Variants in NUP210L observed in about 807,000 individuals in gnomAD.
The protein encoded by NUP210L is nuclear pore membrane glycoprotein 210-like.
A neutral mutation model predicts 208.5 loss-of-function variants in NUP210L; 74 were observed. The ratio of observed to expected loss-of-function variants is 0.35; its 90% CI spans 0.29 to 0.43. The LOEUF (loss-of-function observed/expected upper bound fraction) is 0.43. Ranked by LOEUF, NUP210L falls within the 20% of genes least tolerant of loss-of-function variation. The probability of loss-of-function intolerance (pLI) is 1.00; values close to 1 mark genes in which losing one functional copy is unlikely to be tolerated. For missense variants in NUP210L, 1,843 were observed against 2,289.4 expected (o/e 0.81, Z 3.98); for synonymous variants, 780 against 816.9 (o/e 0.95, Z 0.77).
Position 154,027,607 on chromosome 1 carries a change from G to A in NUP210L, c.3856-10C>T, listed in dbSNP as rs1651967881. The A allele has an allele frequency of 6.3e-7, 1 of 1,595,316 alleles. No individual in the cohort carries two copies. The highest frequency in any genetic ancestry group is 1.3e-5 in the African/African-American group (1 of 74,550). On this transcript the variant is annotated splice_polypyrimidine_tract_variant and intron_variant, in intron 28 of 39. Coordinates refer to ENST00000368559, the Ensembl canonical transcript of NUP210L. ...GGAGTTTTTCAAACACCTATAATGAGAAAATGTTTTCCTCATTTTTGGCAA... is the reference window on the plus strand; with the variant it reads ...GGAGTTTTTCAAACACCTATAATGAAAAAATGTTTTCCTCATTTTTGGCAA...
chr1:154,030,690 A>AAG (rs749113788), intron 27 of NUP210L, among the ~76,000 whole-genome samples: 115 of 152,244 alleles, frequency 7.6e-4, no homozygotes, highest in African/African-American at 2.1e-3. Context: ...ACATCAGGGT[A>AAG]AGTGGGGTAT....
chr1:154,015,253 A>G (rs986102348), intron 33 of NUP210L, among the ~76,000 whole-genome samples: 4 of 150,634 alleles, frequency 2.7e-5, no homozygotes, highest in African/African-American at 9.8e-5. Flanking sequence ...AAGTGATACA[A>G]TTAAAAGTGA....
chr1:154,015,236 G>C (rs953414284), intron 33 of NUP210L, among the ~76,000 whole-genome samples: 3 of 146,116 alleles, frequency 2.1e-5, no homozygotes, highest in Non-Finnish European at 4.5e-5. Context: ...TTATTTTGCA[G>C]AGTTAAAAGT....
chr1:154,119,294 T>A (rs1308100452), intron 10 of NUP210L, among the ~76,000 whole-genome samples: 1 of 152,006 alleles, frequency 6.6e-6, no homozygotes, highest in African/African-American at 2.4e-5. Context: ...TTGTGTAAGG[T>A]TCTACAGGGC....
At chr1:154,044,310 G>A (rs1210451714) in intron 27 of NUP210L, among the ~76,000 whole-genome samples, 1 of 151,930 alleles carries the variant, frequency 6.6e-6, no homozygotes, top group African/African-American at 2.4e-5. Context: ...AGTAGGCTGA[G>A]GCACAAGAAT....
At chr1:154,092,672 C>T (rs528409436) in intron 15 of NUP210L, among the ~76,000 whole-genome samples, 1 of 151,978 alleles carries the variant, frequency 6.6e-6, no homozygotes, top group South Asian at 2.1e-4. Flanking sequence ...CAGGCATAAG[C>T]CACCACACCC....
intron 12 of NUP210L, among the ~76,000 whole-genome samples, chr1:154,113,044 C>T (rs2148085420): frequency 6.6e-6 from 1 of 151,434 alleles, no homozygotes; most frequent in Admixed American, 6.6e-5. Context: ...GTAGTCTCAG[C>T]TACTTGGGAG....
chr1:154,083,970 G>A (rs1168909220), intron 16 of NUP210L, among the ~76,000 whole-genome samples: 1 of 151,486 alleles, frequency 6.6e-6, no homozygotes, highest in African/African-American at 2.4e-5. Context: ...GTTAACCAGT[G>A]CAATTTAGAG....
At chr1:154,047,029 G>A (rs1318352304) in intron 25 of NUP210L, among the ~76,000 whole-genome samples, 1 of 152,114 alleles carries the variant, frequency 6.6e-6, no homozygotes, top group African/African-American at 2.4e-5. Context: ...TCGCACTCCA[G>A]CCTGGGCAAC....
At chr1:154,012,490 T>C in intron 33 of NUP210L, 120 bp from the exon 34 acceptor site, 1 of 880,546 alleles carries the variant, frequency 1.1e-6, no homozygotes, top group Non-Finnish European at 1.7e-6. Context: ...ACAGATTCCA[T>C]CTCATGACCA....
chr1:154,101,252 G>A (rs1303490407), intron 13 of NUP210L, among the ~76,000 whole-genome samples: 1 of 151,734 alleles, frequency 6.6e-6, no homozygotes, highest in Non-Finnish European at 1.5e-5. Context: ...GCTAAAGCAG[G>A]TGGATCACCT....
chr1:154,144,155 T>C (rs1658998731), intron 2 of NUP210L, among the ~76,000 whole-genome samples: 1 of 152,126 alleles, frequency 6.6e-6, no homozygotes, highest in African/African-American at 2.4e-5. Flanking sequence ...CACTCAAACC[T>C]GTGCGACAGA....
chr1:154,029,549 C>A, intron 28 of NUP210L, among the ~76,000 whole-genome samples: 1 of 151,672 alleles, frequency 6.6e-6, no homozygotes, highest in African/African-American at 2.4e-5. Flanking sequence ...ACTAAAATTA[C>A]AAAATTAGCT....
Position 154,127,343 on chromosome 1 carries a change from CAA to C in NUP210L, c.1151_1152del (p.Phe384Ter). 1 of 1,603,146 alleles carries C rather than the reference CAA, an allele frequency of 6.2e-7. No homozygotes were observed. The highest frequency in any genetic ancestry group is 8.5e-7 in the Non-Finnish European group (1 of 1,171,408). On this transcript the variant is annotated frameshift_variant, in exon 9 of 40. Transcript: ENST00000368559. LOFTEE classifies it high-confidence loss of function. ...ATATAGACCTTTGTGCTGCTTTTATCAAAGACGTCTACTGTAATGACATATAC... is the reference window on the plus strand; with the variant it reads ...ATATAGACCTTTGTGCTGCTTTTATCAGACGTCTACTGTAATGACATATAC...
chr1:154,144,706 C>A (rs968891204), intron 2 of NUP210L, among the ~76,000 whole-genome samples: 2 of 152,162 alleles, frequency 1.3e-5, no homozygotes, highest in Admixed American at 6.5e-5. Flanking sequence ...TCCAAAAAAA[C>A]CAAAAAGCAA....
chr1:154,098,692 G>T (rs1236092319), intron 14 of NUP210L, among the ~76,000 whole-genome samples: 1 of 152,246 alleles, frequency 6.6e-6, no homozygotes, highest in Non-Finnish European at 1.5e-5. Context: ...CACACTGATT[G>T]GTCCATGGGC....
intron 27 of NUP210L, among the ~76,000 whole-genome samples, chr1:154,041,939 C>T (rs535515501): frequency 2.5e-4 from 38 of 152,270 alleles, no homozygotes; most frequent in African/African-American, 4.1e-4. Flanking sequence ...CAAAAAAATC[C>T]CATTTCCTTT....
chr1:154,019,690 G>A (rs1651450739), intron 32 of NUP210L, among the ~76,000 whole-genome samples: 1 of 152,138 alleles, frequency 6.6e-6, no homozygotes, highest in Non-Finnish European at 1.5e-5. Context: ...ACTTTGAGAG[G>A]CCGAGGCTGG....
At chr1:154,099,400 G>C (rs1394822582) in intron 14 of NUP210L, among the ~76,000 whole-genome samples, 1 of 152,172 alleles carries the variant, frequency 6.6e-6, no homozygotes, top group African/African-American at 2.4e-5. Flanking sequence ...TGCAGCCCCA[G>C]CTGCATCTCC....
Sources: allele counts gnomAD v4.1 joint callset (sites outside exome capture counted in the v4.1 genomes callset), GRCh38; gene constraint gnomAD v4.1.1; transcripts MANE v1.5; gene names NCBI Gene and HGNC (gene_info 2026-07-23, HGNC 2026-07-21).